Variants in ADAMTS7 observed in about 807,000 individuals in gnomAD.
The protein encoded by ADAMTS7 is ADAM metallopeptidase with thrombospondin type 1 motif 7.
Under a neutral mutation model 172.6 loss-of-function variants are expected in ADAMTS7, and 89 were observed. The observed-to-expected ratio is 0.52, with a 90% CI of 0.43 to 0.61. ADAMTS7 has a LOEUF of 0.61. ADAMTS7 is among the 20% of genes least tolerant of loss of function. The pLI is 0.00. For synonymous variants in ADAMTS7, 885 were observed against 978.4 expected, an observed-to-expected ratio of 0.90 and a Z score of 1.78; for missense variants, 1,973 against 2,355.6, an observed-to-expected ratio of 0.84 and a Z score of 3.36.
intron 14 of ADAMTS7, among the ~76,000 whole-genome samples, chr15:78,772,734 G>A (rs2055271245): frequency 6.6e-6 from 1 of 152,282 alleles, no homozygotes; most frequent in Non-Finnish European, 1.5e-5. Context: ...CACACAGTCA[G>A]TACTTGAGCA....
rs573988094 is a variant in ADAMTS7, at chr15:78,762,674, G to C, written c.4741-109C>G. The stretch of plus-strand genomic sequence containing the variant: ...CTGCGCCCTGTGCCTGACTGGCCTG[G>C]CCTTGCTCCCAGCCGCCCCCTCAGT... On this transcript the variant is annotated intron_variant, in intron 22 of 23. Coordinates refer to ENST00000388820, the MANE Select transcript of ADAMTS7 (RefSeq NM_014272.5). 2.6e-4 allele frequency: 249 copies of C among 948,516 alleles called. 3 individuals are homozygous for C. The African/African-American group carries it at 3.9e-3, about 15-fold the overall frequency. 58.8% of individuals were successfully genotyped at this position (948,516 alleles called of 1,614,324 possible).
chr15:78,805,029 G>A (rs1331061158), intron 1 of ADAMTS7, among the ~76,000 whole-genome samples: 1 of 152,216 alleles, frequency 6.6e-6, no homozygotes, highest in Non-Finnish European at 1.5e-5. Flanking sequence ...AACTGCAGAT[G>A]CCCAGGACCC....
rs111270853 is a variant in ADAMTS7 at position 78,798,357 on chromosome 15, C to T, written c.457-244G>A. Among the ~76,000 whole-genome samples the T allele has an allele frequency of 6.6e-3, 998 of 152,304 alleles. 11 individuals carry two copies. The highest frequency in any genetic ancestry group is 0.022 in the African/African-American group (932 of 41,562). ...AAAGCGGAGCTCAGAAGCCTCCGCC[C>T]CTGGGGATGCTGCCCCACACACCCA... is the stretch of plus-strand genomic sequence containing the variant. On this transcript the variant is annotated intron_variant, in intron 2 of 23. Coordinates refer to ENST00000388820, the MANE Select transcript of ADAMTS7 (RefSeq NM_014272.5).
At chr15:78,811,051 G>A in intron 1 of ADAMTS7, 70 bp downstream of exon 1, 1 of 1,223,212 alleles carries the variant, frequency 8.2e-7, no homozygotes, top group Non-Finnish European at 1.0e-6. Flanking sequence ...GGTGAGGAGG[G>A]ACAAAACCGA....
intron 8 of ADAMTS7, among the ~76,000 whole-genome samples, chr15:78,778,184 G>A (rs2055379708): frequency 1.3e-5 from 2 of 152,234 alleles, no homozygotes; most frequent in Non-Finnish European, 2.9e-5. Context: ...CCTCCAGCTG[G>A]CATTCCCTGG....
chr15:78,788,967 AG>A (rs1290386307), intron 7 of ADAMTS7, among the ~76,000 whole-genome samples: 16 of 152,230 alleles, frequency 1.1e-4, no homozygotes, highest in Admixed American at 1.0e-3. Context: ...GGAACTAGCT[AG>A]GGTAACACAG....
intron 23 of ADAMTS7, among the ~76,000 whole-genome samples, chr15:78,759,843 C>A (rs1567197119): frequency 6.6e-6 from 1 of 152,202 alleles, no homozygotes; most frequent in Non-Finnish European, 1.5e-5. Context: ...CCCACCCTGA[C>A]CCCCTCACAT....
intron 16 of ADAMTS7, among the ~76,000 whole-genome samples, chr15:78,769,884 A>G (rs2055217704): frequency 1.3e-5 from 2 of 152,262 alleles, no homozygotes; most frequent in Non-Finnish European, 2.9e-5. Context: ...GTATTAGGCC[A>G]GGGGCAGTGG....
At position 78,774,171 on chromosome 15, in the gene ADAMTS7, C is replaced by T; in HGVS notation, c.2006G>A (p.Cys669Tyr). The T allele has an allele frequency of 1.3e-6, 2 of 1,592,142 alleles. No homozygotes were observed. Among genetic ancestry groups the T allele is most frequent in the Non-Finnish European group, 1.7e-6 (2 of 1,177,758 alleles). ...CCTCTTCCTAACCAGGCACACCTTA[C>T]AGATGCCGTTGATGCAGAGGTCCCG... ...ASRDLCINGICKNVGCDFEID... is the reference protein window; with the variant it reads ...ASRDLCINGIYKNVGCDFEID... Residue 669 changes from cysteine to tyrosine, a missense_variant, in exon 13 of 24, where the codon TGT becomes TAT. Cys to Tyr is a radical substitution (Grantham distance 194). Around this residue, in one of 8 missense-constraint regions of ADAMTS7, gnomAD observed 526 missense variants for 662.9 expected, o/e 0.79. Transcript: ENST00000388820.
At position 78,765,697 on chromosome 15, in the gene ADAMTS7, G is replaced by A. The variant is rs761495032; in HGVS notation, c.4214C>T (p.Ala1405Val). 14 of 1,610,562 alleles carry A rather than the reference G, an allele frequency of 8.7e-6. No homozygotes were observed. The highest frequency in any genetic ancestry group is 2.3e-4 in the Middle Eastern group (1 of 4,428). ...APSLAEAGPP[A>V]DPLVVRNAGW... is the part of the protein sequence containing the mutation. ...GGCGTTCCTGACAACCAACGGGTCC[G>A]CGGGGGGCCCCGCTTCAGCCAGGCT... The change falls in exon 19 of 24, where the codon GCG (alanine) becomes GTG (valine). Residue 1405 changes from alanine to valine, a missense_variant. Physicochemically the swap from Ala to Val is moderately conservative, Grantham distance 64. Transcript: ENST00000388820.
rs112053163 is a variant in ADAMTS7, at chr15:78,806,091, A to C, written c.100+5030T>G. Among the ~76,000 whole-genome samples, 210 of 27,396 alleles carry C rather than the reference A, an allele frequency of 7.7e-3. 3 individuals are homozygous for C. Among genetic ancestry groups the C allele is most frequent in the African/African-American group, 0.03 (199 of 6,698 alleles). 18.0% of individuals were successfully genotyped at this position (27,396 alleles called of 152,430 possible). A position where few individuals can be genotyped will look rare whatever the true frequency, so the allele number is the denominator to read the frequency against. ...CGAGACTCTGACTCCCCCCCCCAAA[A>C]ACACACACACACACACACACACACA... On this transcript the variant is annotated intron_variant, in intron 1 of 23. Transcript: ENST00000388820.
Position 78,811,411 on chromosome 15 carries a change from C to T in ADAMTS7, c.-191G>A. 1 of 461,876 alleles carries T rather than the reference C, an allele frequency of 2.2e-6. No homozygotes were observed. The highest frequency in any genetic ancestry group is 3.4e-6 in the Non-Finnish European group (1 of 291,276). The allele number at this position is 461,876 out of a possible 1,614,324, so 28.6% of individuals were successfully genotyped here. A position where few individuals can be genotyped will look rare whatever the true frequency, so the allele number is the denominator to read the frequency against. On this transcript the variant is annotated 5_prime_UTR_variant, in exon 1 of 24. Transcript: ENST00000388820. ...AGGCTGCAGGGCCCGCCCCCTTGGCCGCTGCAGAGGCAAAGAAAAGACAAG... is the reference window on the plus strand; with the variant it reads ...AGGCTGCAGGGCCCGCCCCCTTGGCTGCTGCAGAGGCAAAGAAAAGACAAG...
intron 4 of ADAMTS7, among the ~76,000 whole-genome samples, chr15:78,792,841 AAG>A (rs750351710): frequency 6.6e-6 from 1 of 151,984 alleles, no homozygotes; most frequent in Admixed American, 6.5e-5. Context: ...GAAAGAGAGA[AAG>A]AGAGAGAGAG....
At chr15:78,784,713 C>T (rs1489371611) in intron 8 of ADAMTS7, among the ~76,000 whole-genome samples, 1 of 152,056 alleles carries the variant, frequency 6.6e-6, no homozygotes. Context: ...CTAAAAGCTT[C>T]CAGATTTTTT....
intron 3 of ADAMTS7, among the ~76,000 whole-genome samples, chr15:78,797,189 C>T (rs2141518751): frequency 6.6e-6 from 1 of 152,312 alleles, no homozygotes; most frequent in South Asian, 2.1e-4. Flanking sequence ...CACAGGCTGA[C>T]CCCACCCTCT....
At position 78,796,762 on chromosome 15, in the gene ADAMTS7, C is replaced by G. The variant is rs756623046; in HGVS notation, c.647G>C (p.Arg216Pro). The G allele has an allele frequency of 6.2e-7, 1 of 1,611,354 alleles. No homozygotes were observed. The highest frequency in any genetic ancestry group is 8.5e-7 in the Non-Finnish European group (1 of 1,179,708). Residue 216 changes from arginine to proline, a missense_variant, in exon 4 of 24, where the codon CGG becomes CCG. Coordinates refer to ENST00000388820, the MANE Select transcript of ADAMTS7 (RefSeq NM_014272.5). ...CTGCTGCCGCTGCTCCCAACGCTCC[C>G]GTCGAGACTCCAGCTCTGGGTACAC... ...VQVYPELESRRERWEQRQQWR... is the reference protein window; with the variant it reads ...VQVYPELESRPERWEQRQQWR...
At chr15:78,810,598 A>AGCC (rs1301688691) in intron 1 of ADAMTS7, 4 of 152,222 alleles carry the variant, frequency 2.6e-5, no homozygotes, top group African/African-American at 9.7e-5. Context: ...CGGCCCCCCG[A>AGCC]GCCGCCAGGG....
chr15:78,787,360 C>CA (rs1187073163), intron 8 of ADAMTS7, among the ~76,000 whole-genome samples: 2 of 141,806 alleles, frequency 1.4e-5, no homozygotes, highest in African/African-American at 2.6e-5. Flanking sequence ...AAAAAAAAAA[C>CA]AAAAAAACAC....
At chr15:78,802,631 G>T (rs2055740823) in intron 1 of ADAMTS7, among the ~76,000 whole-genome samples, 1 of 152,158 alleles carries the variant, frequency 6.6e-6, no homozygotes. Context: ...TCCTAGTAAG[G>T]CCTGGATTCT....
Sources: gnomAD v4.1 joint callset for allele counts (sites outside exome capture counted in the v4.1 genomes callset) on GRCh38, gnomAD v4.1.1 for gene constraint, gnomAD v4.1.1 regional missense constraint, MANE v1.5 for transcripts, NCBI Gene and HGNC (gene_info 2026-07-23, HGNC 2026-07-21) for gene names.